Variants in LDLRAD4 observed in about 807,000 individuals in gnomAD.
LDLRAD4 encodes low-density lipoprotein receptor class A domain-containing protein 4.
LDLRAD4 carries 5 observed loss-of-function variants against 17.0 expected under a neutral mutation model. The observed-to-expected ratio is 0.29, with a 90% CI of 0.15 to 0.62. The LOEUF is 0.62. LDLRAD4 is among the 20% of genes least tolerant of loss of function. LDLRAD4 has a pLI of 0.84. For missense variants in LDLRAD4, 340 were observed against 424.7 expected, an observed-to-expected ratio of 0.80 and a Z score of 1.75; for synonymous variants, 168 against 171.8, an observed-to-expected ratio of 0.98 and a Z score of 0.17.
At chr18:13,525,281 T>G (rs2094012498) in intron 3 of LDLRAD4, among the ~76,000 whole-genome samples, 1 of 152,088 alleles carries the variant, frequency 6.6e-6, no homozygotes, top group African/African-American at 2.4e-5. Flanking sequence ...GACCTTAAGC[T>G]CTCTGTTTTT....
chr18:13,489,673 T>G (rs1419650023), intron 3 of LDLRAD4: 6 of 152,252 alleles, frequency 3.9e-5, no homozygotes, highest in Non-Finnish European at 2.9e-5. Flanking sequence ...TATATGAAAC[T>G]GTTGCCTGGA....
At chr18:13,319,526 TGTTAA>T (rs2081109646) in intron 1 of LDLRAD4, among the ~76,000 whole-genome samples, 1 of 152,232 alleles carries the variant, frequency 6.6e-6, no homozygotes, top group Non-Finnish European at 1.5e-5. Flanking sequence ...TTGGAACACT[TGTTAA>T]GTTCAGTTTG....
chr18:13,362,669 G>A (rs1258800044), intron 1 of LDLRAD4: 1 of 152,242 alleles, frequency 6.6e-6, no homozygotes. Flanking sequence ...AGAAAACAGT[G>A]TGATAGATTA....
chr18:13,325,821 C>T (rs538545349), intron 1 of LDLRAD4, among the ~76,000 whole-genome samples: 8 of 151,842 alleles, frequency 5.3e-5, no homozygotes, highest in Admixed American at 3.3e-4. Context: ...GGCGCAATCT[C>T]GGCTCATTGC....
At chr18:13,223,744 C>T (rs867589741) in intron 1 of LDLRAD4, among the ~76,000 whole-genome samples, 1 of 152,326 alleles carries the variant, frequency 6.6e-6, no homozygotes, top group East Asian at 1.9e-4. Context: ...AGGCTCTGTT[C>T]TGAGGGCTGC....
At chr18:13,313,994 C>T (rs1413138674) in intron 1 of LDLRAD4, among the ~76,000 whole-genome samples, 4 of 151,970 alleles carry the variant, frequency 2.6e-5, no homozygotes, top group African/African-American at 9.7e-5. Flanking sequence ...TAGATGTGAC[C>T]GCAACACATT....
At chr18:13,494,342 A>C (rs950210171) in intron 3 of LDLRAD4, among the ~76,000 whole-genome samples, 2 of 152,038 alleles carry the variant, frequency 1.3e-5, no homozygotes, top group African/African-American at 4.8e-5. Flanking sequence ...CATTTCCAGC[A>C]GTCTCAGGTG....
At chr18:13,502,032 G>A (rs2093622711) in intron 3 of LDLRAD4, among the ~76,000 whole-genome samples, 2 of 152,222 alleles carry the variant, frequency 1.3e-5, no homozygotes, top group Admixed American at 1.3e-4. Context: ...AAATTGAGGG[G>A]AGAAAGTGAC....
intron 3 of LDLRAD4, chr18:13,515,948 G>A (rs117598062): frequency 0.017 from 2,658 of 152,220 alleles, 30 homozygotes; most frequent in Middle Eastern, 0.034. Flanking sequence ...AAGTAGCTGC[G>A]ACTACAGGCA....
intron 1 of LDLRAD4, among the ~76,000 whole-genome samples, chr18:13,342,099 G>T (rs1209047137): frequency 6.6e-6 from 1 of 151,990 alleles, no homozygotes; most frequent in East Asian, 1.9e-4. Context: ...TGATCGTATT[G>T]TATAATCCTT....
At chr18:13,414,786 T>C (rs1173326198) in intron 2 of LDLRAD4, among the ~76,000 whole-genome samples, 1 of 152,158 alleles carries the variant, frequency 6.6e-6, no homozygotes, top group Non-Finnish European at 1.5e-5. Context: ...GTAGACCTTC[T>C]TAGGGTGGCT....
intron 1 of LDLRAD4, among the ~76,000 whole-genome samples, chr18:13,256,439 C>A (rs1598932996): frequency 6.6e-6 from 1 of 152,236 alleles, no homozygotes. Context: ...CCCATCCCCC[C>A]ATCAAAATCT....
intron 3 of LDLRAD4, among the ~76,000 whole-genome samples, chr18:13,599,918 AAAAG>A (rs2095141363): frequency 6.6e-6 from 1 of 152,232 alleles, no homozygotes; most frequent in South Asian, 2.1e-4. Flanking sequence ...TTAAATGAGC[AAAAG>A]AAAGAAAATT....
At chr18:13,245,333 G>A (rs956877424) in intron 1 of LDLRAD4, among the ~76,000 whole-genome samples, 2 of 152,188 alleles carry the variant, frequency 1.3e-5, no homozygotes, top group Non-Finnish European at 2.9e-5. Flanking sequence ...GTGTAGTCTT[G>A]TGTTGGATTC....
chr18:13,246,518 A>G (rs148654322), intron 1 of LDLRAD4, among the ~76,000 whole-genome samples: 89 of 152,360 alleles, frequency 5.8e-4, no homozygotes, highest in African/African-American at 1.8e-3. Flanking sequence ...CCCTCCAGCT[A>G]TTGATGGGTG....
At position 13,302,726 on chromosome 18, in the gene LDLRAD4, T is replaced by TAA. The variant is rs200983653; in HGVS notation, c.-383+24539_-383+24540insAA. ...AAAGGAGGAAAACATGCACTGCTGTTACACGCAGTTATGGTACATGCAGTT... is the reference window on the plus strand; with the variant it reads ...AAAGGAGGAAAACATGCACTGCTGTTAAACACGCAGTTATGGTACATGCAGTT... On this transcript the variant is annotated intron_variant, in intron 1 of 5. Transcript: ENST00000359446. Among the ~76,000 whole-genome samples, 1,170 of 152,342 alleles carry TAA rather than the reference T, an allele frequency of 7.7e-3. 20 individuals are homozygous for TAA. Among genetic ancestry groups the TAA allele is most frequent in the African/African-American group, 0.027 (1,109 of 41,570 alleles).
intron 3 of LDLRAD4, among the ~76,000 whole-genome samples, chr18:13,529,179 C>T (rs2094086410): frequency 6.6e-6 from 1 of 152,218 alleles, no homozygotes; most frequent in African/African-American, 2.4e-5. Flanking sequence ...GAGCTTGCCC[C>T]CAGCCACCCC....
At chr18:13,322,040 AAC>A (rs1419726333) in intron 1 of LDLRAD4, among the ~76,000 whole-genome samples, 2 of 151,644 alleles carry the variant, frequency 1.3e-5, no homozygotes, top group East Asian at 3.8e-4. Context: ...TTTTTATTGA[AAC>A]ACAGAAAATA....
intron 3 of LDLRAD4, among the ~76,000 whole-genome samples, chr18:13,565,820 T>C (rs1357846881): frequency 2.0e-5 from 3 of 152,246 alleles, no homozygotes; most frequent in Non-Finnish European, 2.9e-5. Flanking sequence ...CCTCCATGCT[T>C]GCGGGGTCGC....
Sources: gnomAD v4.1 joint callset for allele counts (sites outside exome capture counted in the v4.1 genomes callset) on GRCh38, gnomAD v4.1.1 for gene constraint, MANE v1.5 for transcripts, NCBI Gene and HGNC (gene_info 2026-07-23, HGNC 2026-07-21) for gene names.